Variants in COL25A1 observed in about 807,000 individuals in gnomAD.
COL25A1 encodes collagen type XXV alpha 1 chain, also known as collagen alpha-1(XXV) chain.
A neutral mutation model predicts 128.4 loss-of-function variants in COL25A1; 103 were observed. That is an observed-to-expected ratio of 0.80 (90% confidence interval 0.68 to 0.94). COL25A1 has a LOEUF of 0.94. Among genes scored for constraint, COL25A1 ranks in the 40% least tolerant of loss-of-function variants. COL25A1 has a pLI of 0.00. For synonymous variants in COL25A1, 279 were observed against 277.2 expected (o/e 1.01, Z -0.06); for missense variants, 745 against 840.0 (o/e 0.89, Z 1.40).
intron 5 of COL25A1, among the ~76,000 whole-genome samples, chr4:109,014,514 C>G (rs539759865): frequency 6.6e-6 from 1 of 152,136 alleles, no homozygotes; most frequent in Admixed American, 6.5e-5. Flanking sequence ...ATCTTTAATA[C>G]GTCGCATTCC....
intron 3 of COL25A1, among the ~76,000 whole-genome samples, chr4:109,249,919 TA>T (rs1780536303): frequency 6.6e-6 from 1 of 152,204 alleles, no homozygotes; most frequent in Non-Finnish European, 1.5e-5. Context: ...TGCTCTAATT[TA>T]ATGAGAGAAA....
intron 3 of COL25A1, among the ~76,000 whole-genome samples, chr4:109,217,020 T>C (rs1342949989): frequency 6.6e-6 from 1 of 151,120 alleles, no homozygotes; most frequent in Non-Finnish European, 1.5e-5. Flanking sequence ...ATTACTCTTT[T>C]TAAAAACCTA....
Position 109,031,988 on chromosome 4 carries a change from G to A in COL25A1, c.420+16180C>T, listed in dbSNP as rs191722993. The stretch of plus-strand genomic sequence containing the variant: ...CATTACATTCTGCCTTAAAATATAG[G>A]TATTGATAGCTTATCTCTTCTATTA... On this transcript the variant is annotated intron_variant, in intron 5 of 37. Coordinates refer to ENST00000399132, the MANE Select transcript of COL25A1 (RefSeq NM_198721.4). Among the ~76,000 whole-genome samples the A allele has an allele frequency of 2.6e-5, 4 of 152,198 alleles. No homozygotes were observed. The East Asian group carries it at 7.7e-4, about 29-fold the overall frequency.
At chr4:109,099,332 C>T (rs1191894071) in intron 3 of COL25A1, among the ~76,000 whole-genome samples, 3 of 152,116 alleles carry the variant, frequency 2.0e-5, no homozygotes, top group Admixed American at 1.3e-4. Flanking sequence ...GCCAGCATTG[C>T]ACAGATTTCC....
At chr4:109,292,414 A>G (rs1724559927) in intron 3 of COL25A1, among the ~76,000 whole-genome samples, 2 of 152,084 alleles carry the variant, frequency 1.3e-5, no homozygotes, top group Non-Finnish European at 2.9e-5. Context: ...ATAGTAATGC[A>G]TGGAAAGAGA....
chr4:109,124,639 TAA>T (rs1768417443), intron 3 of COL25A1, among the ~76,000 whole-genome samples: 1 of 151,942 alleles, frequency 6.6e-6, no homozygotes, highest in Admixed American at 6.6e-5. Flanking sequence ...ATTAAATAAT[TAA>T]GTTTTCCCTC....
chr4:109,082,800 T>C (rs974385935), intron 3 of COL25A1, among the ~76,000 whole-genome samples: 12 of 152,180 alleles, frequency 7.9e-5, no homozygotes, highest in African/African-American at 2.9e-4. Flanking sequence ...GTGGTTACAT[T>C]TGCAGGTTTG....
intron 5 of COL25A1, chr4:109,021,651 AG>A (rs1211415340): frequency 4.6e-6 from 2 of 433,892 alleles, no homozygotes; most frequent in African/African-American, 4.1e-5. Context: ...TCGGGCAAAA[AG>A]AGCCATATTT....
intron 35 of COL25A1, among the ~76,000 whole-genome samples, chr4:108,820,520 G>T (rs958489171): frequency 1.3e-5 from 2 of 151,962 alleles, no homozygotes; most frequent in African/African-American, 2.4e-5. Flanking sequence ...TTTTTTAAAA[G>T]AAACTAAAAG....
At chr4:109,298,747 C>T (rs886415833) in intron 3 of COL25A1, among the ~76,000 whole-genome samples, 1 of 152,152 alleles carries the variant, frequency 6.6e-6, no homozygotes, top group South Asian at 2.1e-4. Context: ...CAGCAAGAAA[C>T]CTGCTTGATT....
chr4:109,057,149 C>T (rs1398903154), intron 3 of COL25A1, among the ~76,000 whole-genome samples: 3 of 152,128 alleles, frequency 2.0e-5, no homozygotes, highest in Non-Finnish European at 2.9e-5. Flanking sequence ...TGTGAGCCAT[C>T]GTCCCTGGCC....
At chr4:109,201,549 A>T (rs2126181935) in intron 3 of COL25A1, among the ~76,000 whole-genome samples, 1 of 152,322 alleles carries the variant, frequency 6.6e-6, no homozygotes, top group South Asian at 2.1e-4. Flanking sequence ...AATGGTGAGA[A>T]ATTAAGAAGC....
At chr4:109,228,747 T>A (rs571630365) in intron 3 of COL25A1, among the ~76,000 whole-genome samples, 60 of 152,262 alleles carry the variant, frequency 3.9e-4, no homozygotes, top group Middle Eastern at 3.4e-3. Flanking sequence ...ACTCTCCAGA[T>A]CCCTTTCTTG....
At chr4:109,236,031 T>C (rs1779456027) in intron 3 of COL25A1, among the ~76,000 whole-genome samples, 1 of 152,084 alleles carries the variant, frequency 6.6e-6, no homozygotes, top group Non-Finnish European at 1.5e-5. Flanking sequence ...ACTGATTTCT[T>C]ATATATTGCT....
At chr4:109,188,295 A>G (rs1464641822) in intron 3 of COL25A1, among the ~76,000 whole-genome samples, 5 of 152,158 alleles carry the variant, frequency 3.3e-5, no homozygotes, top group African/African-American at 9.7e-5. Context: ...AGACTGAGCT[A>G]GAAGGAAACA....
At chr4:109,213,908 T>C (rs1270261687) in intron 3 of COL25A1, among the ~76,000 whole-genome samples, 1 of 152,098 alleles carries the variant, frequency 6.6e-6, no homozygotes, top group African/African-American at 2.4e-5. Context: ...AGCTATGATG[T>C]GACATGCTAT....
intron 3 of COL25A1, among the ~76,000 whole-genome samples, chr4:109,269,909 T>C (rs1782077175): frequency 6.6e-6 from 1 of 152,150 alleles, no homozygotes; most frequent in Admixed American, 6.5e-5. Context: ...GCAAGGCTGG[T>C]TCAATACACA....
intron 19 of COL25A1, among the ~76,000 whole-genome samples, chr4:108,883,082 C>T (rs1740317115): frequency 6.6e-6 from 1 of 152,046 alleles, no homozygotes; most frequent in Non-Finnish European, 1.5e-5. Context: ...CACTCTGTTG[C>T]CCAGCCTGGA....
At chr4:109,296,086 C>G (rs1034015662) in intron 3 of COL25A1, among the ~76,000 whole-genome samples, 2 of 152,076 alleles carry the variant, frequency 1.3e-5, no homozygotes, top group Admixed American at 1.3e-4. Flanking sequence ...AATAAGCCAT[C>G]ATCCTCCTGT....
Sources: allele counts gnomAD v4.1 joint callset (sites outside exome capture counted in the v4.1 genomes callset), GRCh38; gene constraint gnomAD v4.1.1; transcripts MANE v1.5; gene names NCBI Gene and HGNC (gene_info 2026-07-23, HGNC 2026-07-21).